NUDT11: variants seen among roughly 807,000 people sequenced by gnomAD.
NUDT11 encodes nudix hydrolase 11.
NUDT11 carries 1 observed loss-of-function variant against 10.0 expected under a neutral mutation model. The observed-to-expected ratio is 0.10, with a 90% confidence interval of 0.04 to 0.47. The LOEUF (loss-of-function observed/expected upper bound fraction) is 0.47, where lower values mean the gene tolerates loss of function less well. Among genes scored for constraint, NUDT11 ranks in the 20% least tolerant of loss-of-function variants. The pLI, the probability that NUDT11 is intolerant of heterozygous loss-of-function variation, is 0.96. For synonymous variants in NUDT11, 63 were observed against 65.9 expected, an observed-to-expected ratio of 0.96 and a Z score of 0.21; for missense variants, 47 against 140.4, an observed-to-expected ratio of 0.33 and a Z score of 3.36.
In NUDT11 at chrX:51,493,515, A is replaced by G. The variant is rs781831439; in HGVS notation, c.*-1766T>C. On this transcript the variant is annotated intron_variant, in intron 1 of 1. Transcript: ENST00000375992. ...TGCCACTGTTCCGAAAACAAATCTT[A>G]TAACACATTTAAGTATAGGTAAACA... Among the ~76,000 whole-genome samples the G allele has an allele frequency of 9.0e-4, 101 of 112,104 alleles. 2 individuals are homozygous for G. The highest frequency in any genetic ancestry group is 3.1e-3 in the African/African-American group (96 of 30,967).
intron 1 of NUDT11, 30 bp downstream of exon 1, chrX:51,495,921 G>T (rs1371837192): frequency 8.3e-7 from 1 of 1,205,315 alleles, no homozygotes; most frequent in East Asian, 3.0e-5. Flanking sequence ...CAGACAAATA[G>T]AAGTCTGCGC....
intron 1 of NUDT11, among the ~76,000 whole-genome samples, chrX:51,495,638 AC>A (rs1273527898): frequency 2.6e-5 from 1 of 39,172 alleles, no homozygotes; most frequent in African/African-American, 9.8e-5. Context: ...CTCGCCCCCC[AC>A]ACACACCTCC....
At chrX:51,493,954 T>G (rs1925648938) in intron 1 of NUDT11, among the ~76,000 whole-genome samples, 1 of 111,818 alleles carries the variant, frequency 8.9e-6, no homozygotes, top group African/African-American at 3.2e-5. Context: ...TGGAACACAT[T>G]TCATCTACAA....
intron 1 of NUDT11, 149 bp downstream of exon 1, chrX:51,495,802 C>A: frequency 1.1e-6 from 1 of 897,159 alleles, no homozygotes; most frequent in Non-Finnish European, 1.5e-6. Context: ...AGACAGTTTG[C>A]AAGCGTGATT....
intron 1 of NUDT11, among the ~76,000 whole-genome samples, chrX:51,495,010 GTTC>G (rs1191276898): frequency 1.8e-5 from 2 of 111,679 alleles, no homozygotes; most frequent in Admixed American, 1.9e-4. Flanking sequence ...GAGAACCATG[GTTC>G]TTCTATGGTA....
chrX:51,492,868 C>G (rs1488822779), intron 1 of NUDT11, among the ~76,000 whole-genome samples: 1 of 112,270 alleles, frequency 8.9e-6, no homozygotes, highest in African/African-American at 3.2e-5. Context: ...GGTGGCTCCC[C>G]CACAAGGGAA....
intron 1 of NUDT11, among the ~76,000 whole-genome samples, chrX:51,495,175 G>T (rs1252306152): frequency 3.6e-5 from 4 of 111,716 alleles, no homozygotes; most frequent in Non-Finnish European, 5.6e-5. Context: ...TTTGAAGTCA[G>T]CAGTGAAAAA....
At chrX:51,491,784 T>C (rs1925600707) in intron 1 of NUDT11, 35 bp from the exon 2 acceptor site, 2 of 571,010 alleles carry the variant, frequency 3.5e-6, no homozygotes. Context: ...TTAGCAGGCT[T>C]ATGTTAATAA....
chrX:51,492,457 C>G (rs782021357), intron 1 of NUDT11, among the ~76,000 whole-genome samples: 1 of 109,590 alleles, frequency 9.1e-6, no homozygotes, highest in Non-Finnish European at 1.9e-5. Context: ...CCTGGTTTCA[C>G]GAGATTGTCC....
intron 1 of NUDT11, among the ~76,000 whole-genome samples, chrX:51,494,094 T>C (rs1397574633): frequency 8.9e-6 from 1 of 111,971 alleles, no homozygotes; most frequent in Non-Finnish European, 1.9e-5. Flanking sequence ...TTAAGTCAAA[T>C]TGTTTGGAAT....
chrX:51,496,552 G>A lies in NUDT11; in HGVS notation c.-108C>T. The A allele has an allele frequency of 9.0e-7, 1 of 1,108,580 alleles. No individual in the cohort carries two copies. Among genetic ancestry groups the A allele is most frequent in the Non-Finnish European group, 1.2e-6 (1 of 838,439 alleles). 91.4% of individuals were successfully genotyped at this position (1,108,580 alleles called of 1,213,427 possible). ...ACAGCCGAGGTGCTGGGAAGAGAAA[G>A]GGCCGAGGCGAGGGGCGGGGAAAGA... On this transcript the variant is annotated 5_prime_UTR_variant, in exon 1 of 2. Transcript: ENST00000375992.
At position 51,490,672 on chromosome X, in the gene NUDT11, A is replaced by G. The variant is rs782018948; in HGVS notation, c.*1077T>C. The G allele has an allele frequency of 5.4e-5, 6 of 112,008 alleles. No individual in the cohort carries two copies. The highest frequency in any genetic ancestry group is 1.6e-4 in the African/African-American group (5 of 30,834). 9.2% of individuals were successfully genotyped at this position (112,008 alleles called of 1,213,427 possible). Reference sequence around the variant, plus strand: ...TAAATGCCTTTTCTAAATGACAACAATTTTGCCCTCTCTCAGCCCTCTGCA... The same window carrying G: ...TAAATGCCTTTTCTAAATGACAACAGTTTTGCCCTCTCTCAGCCCTCTGCA... On this transcript the variant is annotated 3_prime_UTR_variant, in exon 2 of 2. Coordinates refer to ENST00000375992, the MANE Select transcript of NUDT11 (RefSeq NM_018159.4).
Position 51,490,947 on chromosome X carries a change from G to A in NUDT11, c.*802C>T, listed in dbSNP as rs2146658701. On this transcript the variant is annotated 3_prime_UTR_variant, in exon 2 of 2. Coordinates refer to ENST00000375992, the MANE Select transcript of NUDT11 (RefSeq NM_018159.4). Reference sequence around the variant, plus strand: ...GATGTTAAGATGACATGTAAGAAGTGGTTAGGGCAGGCATTGCAAAAAAAT... The same window carrying A: ...GATGTTAAGATGACATGTAAGAAGTAGTTAGGGCAGGCATTGCAAAAAAAT... 1 of 112,056 alleles carries A rather than the reference G, an allele frequency of 8.9e-6. No individual in the cohort carries two copies. The highest frequency in any genetic ancestry group is 3.2e-5 in the African/African-American group (1 of 30,907). The allele number at this position is 112,056 out of a possible 1,213,427, so 9.2% of individuals were successfully genotyped here.
At position 51,491,012 on chromosome X, in the gene NUDT11, CACA is replaced by C. The variant is rs1925582357; in HGVS notation, c.*734_*736del. 4 of 112,379 alleles carry C rather than the reference CACA, an allele frequency of 3.6e-5. No individual in the cohort carries two copies. Among genetic ancestry groups the C allele is most frequent in the East Asian group, 2.8e-4 (1 of 3,624 alleles). The allele number at this position is 112,379 out of a possible 1,213,427, so 9.3% of individuals were successfully genotyped here. A position where few individuals can be genotyped will look rare whatever the true frequency, so the allele number is the denominator to read the frequency against. ...TTTAAAATTTATTTTTATAAAAACTCACAACATTATTTTGCGTCCACTGTATTT... is the reference window on the plus strand; with the variant it reads ...TTTAAAATTTATTTTTATAAAAACTCACATTATTTTGCGTCCACTGTATTT... On this transcript the variant is annotated 3_prime_UTR_variant, in exon 2 of 2. Coordinates refer to ENST00000375992, the MANE Select transcript of NUDT11 (RefSeq NM_018159.4).
intron 1 of NUDT11, among the ~76,000 whole-genome samples, chrX:51,494,359 C>G (rs57772447): frequency 2.7e-5 from 3 of 111,847 alleles, no homozygotes; most frequent in African/African-American, 9.7e-5. Context: ...GCCACAATTT[C>G]TAGTTTACTC....
At chrX:51,494,465 AAAACAGTGGCACCATATTTCTTTAG>A (rs1330568077) in intron 1 of NUDT11, among the ~76,000 whole-genome samples, 2 of 112,235 alleles carry the variant, frequency 1.8e-5, no homozygotes, top group Non-Finnish European at 3.8e-5. Context: ...ATTTCTTTTC[AAAACAGTGGCACCATATTTCTTTAG>A]AAAGTGCAAC....
In NUDT11 at chrX:51,496,173, T is replaced by G. The variant is rs1557326646; in HGVS notation, c.272A>C (p.His91Pro). 1 of 1,209,961 alleles carries G rather than the reference T, an allele frequency of 8.3e-7. No homozygotes were observed. The change falls in exon 1 of 2, where the codon CAC becomes CCC. Residue 91 changes from histidine to proline, a missense_variant. Physicochemically the swap from His to Pro is moderately conservative, Grantham distance 77. Coordinates refer to ENST00000375992, the MANE Select transcript of NUDT11 (RefSeq NM_018159.4). ...AGTCAGTACATACACGTACGTTCTGTGCTTGCGATCCTGGTTCTGTTCGAA... is the reference window on the plus strand; with the variant it reads ...AGTCAGTACATACACGTACGTTCTGGGCTTGCGATCCTGGTTCTGTTCGAA... The part of the protein sequence containing the change: ...GVFEQNQDRK[H>P]RTYVYVLTVT...
At chrX:51,495,352 C>T (rs1330568923) in intron 1 of NUDT11, among the ~76,000 whole-genome samples, 3 of 111,584 alleles carry the variant, frequency 2.7e-5, no homozygotes, top group Non-Finnish European at 5.6e-5. Flanking sequence ...AAATTCAAAA[C>T]TGATCTTTTA....
Position 51,491,210 on chromosome X carries a change from G to C in NUDT11, c.*539C>G, listed in dbSNP as rs1925586660. On this transcript the variant is annotated 3_prime_UTR_variant, in exon 2 of 2. Coordinates refer to ENST00000375992, the MANE Select transcript of NUDT11 (RefSeq NM_018159.4). ...TGCAGCTACTGTGTGGTATGACATA[G>C]AAATAGGAGTAATAATTCTTGTCCT... 8.9e-6 allele frequency: 1 copy of C among 112,744 alleles called. No homozygotes were observed. The highest frequency in any genetic ancestry group is 3.3e-5 in the African/African-American group (1 of 30,741). The allele number at this position is 112,744 out of a possible 1,213,427, so 9.3% of individuals were successfully genotyped here.
Sources: allele counts gnomAD v4.1 joint callset (sites outside exome capture counted in the v4.1 genomes callset), GRCh38; gene constraint gnomAD v4.1.1; transcripts MANE v1.5; gene names NCBI Gene and HGNC (gene_info 2026-07-23, HGNC 2026-07-21).